The following WDR4 variants were observed in gnomAD, a reference collection of about 807,000 sequenced individuals.
The protein encoded by WDR4 is tRNA (guanine-N(7)-)-methyltransferase non-catalytic subunit WDR4.
In WDR4, 47 loss-of-function variants were observed where a neutral mutation model predicts 48.6. That is an observed-to-expected ratio of 0.97 (90% CI 0.77 to 1.23). The LOEUF (loss-of-function observed/expected upper bound fraction) is 1.23, where lower values mean the gene tolerates loss of function less well. Ranked by LOEUF, WDR4 falls within the 50% of genes most tolerant of loss-of-function variation. The probability of loss-of-function intolerance (pLI) is 0.00; values close to 1 mark genes in which losing one functional copy is unlikely to be tolerated. For synonymous variants in WDR4, 268 were observed against 230.0 expected (o/e 1.17, Z -1.49); for missense variants, 606 against 551.6 (o/e 1.10, Z -0.99).
At chr21:42,887,153 C>T in the WDR4 span, among the ~76,000 whole-genome samples, 2 of 151,920 alleles carry the variant, frequency 1.3e-5, no homozygotes, top group East Asian at 1.9e-4. Flanking sequence ...CCACCATGCC[C>T]GGCTAATTTT....
intron 5 of WDR4, among the ~76,000 whole-genome samples, chr21:42,860,320 G>A (rs2058087122): frequency 6.6e-6 from 1 of 152,236 alleles, no homozygotes; most frequent in Non-Finnish European, 1.5e-5. Context: ...GGGTTGGCCT[G>A]CAAGCACAGG....
chr21:42,882,755 A>C (rs1009277011), upstream of WDR4, among the ~76,000 whole-genome samples: 1 of 149,770 alleles, frequency 6.7e-6, no homozygotes, highest in Non-Finnish European at 1.5e-5. Flanking sequence ...TTGAGGTCAG[A>C]AGTTTGAGAC....
intron 1 of WDR4, among the ~76,000 whole-genome samples, chr21:42,878,222 C>T (rs1210450990): frequency 1.3e-5 from 2 of 152,056 alleles, no homozygotes; most frequent in African/African-American, 4.8e-5. Context: ...CATACTGAAC[C>T]TAAACTTCGG....
At chr21:42,886,337 ATAT>A in the WDR4 span, among the ~76,000 whole-genome samples, 2 of 152,160 alleles carry the variant, frequency 1.3e-5, no homozygotes, top group African/African-American at 4.8e-5. Flanking sequence ...TTACAATAAA[ATAT>A]TATCATCTTA....
intron 3 of WDR4, among the ~76,000 whole-genome samples, 187 bp from the exon 4 acceptor site, chr21:42,863,783 A>C (rs898101762): frequency 4.6e-5 from 7 of 151,882 alleles, no homozygotes; most frequent in Non-Finnish European, 5.9e-5. Flanking sequence ...TGCCTTCGAC[A>C]AATTTACTTT....
In WDR4 at chr21:42,852,243, C is replaced by T. The variant is rs761379616; in HGVS notation, c.1045+12G>A. Reference sequence around the variant, plus strand: ...TGTGACCCCCAAGGGCAGCCTGCACCCGTGCTCTCACCTTCCAGCATGGCC... The same window carrying T: ...TGTGACCCCCAAGGGCAGCCTGCACTCGTGCTCTCACCTTCCAGCATGGCC... On this transcript the variant is annotated intron_variant, in intron 10 of 10. Coordinates refer to ENST00000398208, the MANE Select transcript of WDR4 (RefSeq NM_018669.6). 6.2e-7 allele frequency: 1 copy of T among 1,613,824 alleles called. No individual in the cohort carries two copies. The highest frequency in any genetic ancestry group is 8.5e-7 in the Non-Finnish European group (1 of 1,179,982).
Position 42,849,686 on chromosome 21 carries a change from C to T in WDR4, c.*363G>A, listed in dbSNP as rs76526170. ...CATCCACCATGCCAGAAACGTCAGCCCACAGATGCTCCTAGAGGAAGATGC... is the reference window on the plus strand; with the variant it reads ...CATCCACCATGCCAGAAACGTCAGCTCACAGATGCTCCTAGAGGAAGATGC... On this transcript the variant is annotated 3_prime_UTR_variant, in exon 11 of 11. Coordinates refer to ENST00000398208, the MANE Select transcript of WDR4 (RefSeq NM_018669.6). The T allele has an allele frequency of 6.3e-4, 121 of 190,614 alleles. 5 individuals carry two copies. In the East Asian group the frequency reaches 0.015, roughly 24 times the overall value. The allele number at this position is 190,614 out of a possible 1,614,324, so 11.8% of individuals were successfully genotyped here. A position where few individuals can be genotyped will look rare whatever the true frequency, so the allele number is the denominator to read the frequency against.
At chr21:42,871,149 G>A (rs1044775590) in intron 3 of WDR4, among the ~76,000 whole-genome samples, 6 of 152,304 alleles carry the variant, frequency 3.9e-5, no homozygotes, top group African/African-American at 7.2e-5. Context: ...GGGAGAAGAC[G>A]CCATCAGCAA....
intron 2 of WDR4, among the ~76,000 whole-genome samples, chr21:42,874,222 A>G (rs2058436238): frequency 6.6e-6 from 1 of 152,202 alleles, no homozygotes; most frequent in Non-Finnish European, 1.5e-5. Flanking sequence ...TGCAATCCCT[A>G]AACATAAATT....
At chr21:42,878,862 G>C (rs2058561666) in intron 1 of WDR4, 3 of 743,326 alleles carry the variant, frequency 4.0e-6, no homozygotes, top group South Asian at 6.1e-5. Context: ...AGATGACTTG[G>C]AGCCCTAAGG....
At chr21:42,848,682 C>G (rs1387651716), downstream of WDR4, among the ~76,000 whole-genome samples, 1 of 114,956 alleles carries the variant, frequency 8.7e-6, no homozygotes, top group African/African-American at 3.3e-5. Context: ...CTCACTCACA[C>G]AGCGCACGAT....
chr21:42,848,957 G>A (rs556824803), downstream of WDR4, among the ~76,000 whole-genome samples: 29 of 125,642 alleles, frequency 2.3e-4, no homozygotes, highest in Non-Finnish European at 2.9e-4. Flanking sequence ...ATCACGCGGC[G>A]CGCACCTCAC....
chr21:42,872,814 G>A (rs1017384829), intron 3 of WDR4, among the ~76,000 whole-genome samples: 2 of 152,018 alleles, frequency 1.3e-5, no homozygotes, highest in South Asian at 2.1e-4. Flanking sequence ...GCAAGTGCCT[G>A]TAATCCCAGC....
intron 6 of WDR4, 109 bp from the exon 7 acceptor site, chr21:42,855,889 G>GCCAC: frequency 1.4e-6 from 1 of 732,512 alleles, no homozygotes; most frequent in Non-Finnish European, 2.1e-6. Flanking sequence ...TGACAGCCAT[G>GCCAC]CCACCCACCC....
chr21:42,884,415 G>T (rs1023216742), upstream of WDR4, among the ~76,000 whole-genome samples: 1 of 151,904 alleles, frequency 6.6e-6, no homozygotes, highest in Non-Finnish European at 1.5e-5. Flanking sequence ...TTGGGAGGCC[G>T]AGGTGGGTGG....
At chr21:42,863,320 G>A (rs907243142) in intron 4 of WDR4, 120 bp downstream of exon 4, 28 of 1,257,398 alleles carry the variant, frequency 2.2e-5, no homozygotes, top group Non-Finnish European at 3.1e-5. Context: ...TAACAGCATG[G>A]ACAGGTGCCT....
chr21:42,853,566 C>T lies in WDR4; in HGVS notation c.975+3G>A, dbSNP rs776211954. 1.9e-5 allele frequency: 31 copies of T among 1,605,808 alleles called. No homozygotes were observed. Among genetic ancestry groups the T allele is most frequent in the Non-Finnish European group, 2.5e-5 (29 of 1,176,282 alleles). ...AGGACATCTGGAAGGTGCCGAGTCT[C>T]ACCTGCCACTGGTCGCCCACAGGCC... On this transcript the variant is annotated splice_donor_region_variant and intron_variant, in intron 9 of 10. Transcript: ENST00000398208.
chr21:42,855,833 T>G, intron 6 of WDR4, 53 bp from the exon 7 acceptor site: 1 of 1,438,332 alleles, frequency 7.0e-7, no homozygotes, highest in Non-Finnish European at 9.4e-7. Context: ...TTCCGTCAGG[T>G]AGGGTGACAG....
chr21:42,844,562 T>TTGGTGAGAACC (rs1257540710), downstream of WDR4, among the ~76,000 whole-genome samples: 8 of 152,224 alleles, frequency 5.3e-5, no homozygotes, highest in Non-Finnish European at 1.2e-4. Flanking sequence ...AGTCTGGATC[T>TTGGTGAGAACC]TGGTGAGAAC....
Sources: allele counts gnomAD v4.1 joint callset (sites outside exome capture counted in the v4.1 genomes callset), GRCh38; gene constraint gnomAD v4.1.1; transcripts MANE v1.5; gene names NCBI Gene and HGNC (gene_info 2026-07-23, HGNC 2026-07-21).